Variants in KCNH1 observed in about 807,000 individuals in gnomAD.
KCNH1 encodes the protein potassium voltage-gated channel subfamily H member 1, also known as voltage-gated delayed rectifier potassium channel KCNH1.
Under a neutral mutation model 69.2 loss-of-function variants are expected in KCNH1, and 27 were observed. The observed-to-expected ratio is 0.39, with a 90% CI of 0.29 to 0.54. The LOEUF (loss-of-function observed/expected upper bound fraction) is 0.54, where lower values mean the gene tolerates loss of function less well. Ranked by LOEUF, KCNH1 falls within the 20% of genes least tolerant of loss-of-function variation. The pLI is 0.68. For synonymous variants in KCNH1, 456 were observed against 487.7 expected, an observed-to-expected ratio of 0.93 and a Z score of 0.86; for missense variants, 798 against 1,261.6, an observed-to-expected ratio of 0.63 and a Z score of 5.57.
At chr1:210,918,913 T>C (rs1373865431) in intron 7 of KCNH1, 1 of 152,252 alleles carries the variant, frequency 6.6e-6, no homozygotes, top group Non-Finnish European at 1.5e-5. Context: ...CATTTCAATA[T>C]ATAATCAATA....
chr1:210,907,827 A>T lies in KCNH1; in HGVS notation c.1462+11813T>A, dbSNP rs1687147243. On this transcript the variant is annotated intron_variant, in intron 7 of 10. Coordinates refer to ENST00000271751, the MANE Select transcript of KCNH1 (RefSeq NM_172362.3). ...GAGAGCAGATGCTACCAGGTGGAAG[A>T]ACAAGCACCTATGGTCACCCAGAGT... 3.3e-5 allele frequency among the ~76,000 whole-genome samples: 5 copies of T among 152,210 alleles called. No individual in the cohort carries two copies. In the South Asian group the frequency reaches 1.0e-3, roughly 32 times the overall value.
chr1:210,965,677 G>C (rs1394210806), intron 6 of KCNH1, among the ~76,000 whole-genome samples: 1 of 152,068 alleles, frequency 6.6e-6, no homozygotes, highest in Non-Finnish European at 1.5e-5. Flanking sequence ...ACTTACAAGG[G>C]ATGTGAAGGA....
chr1:210,984,442 C>T (rs141814060), intron 6 of KCNH1, among the ~76,000 whole-genome samples: 2,752 of 152,256 alleles, frequency 0.018, 63 homozygotes, highest in South Asian at 0.093. Context: ...TTTTGAGATA[C>T]GTCCCATCAA....
intron 6 of KCNH1, among the ~76,000 whole-genome samples, chr1:210,986,585 T>G (rs1688840178): frequency 1.3e-5 from 2 of 152,362 alleles, no homozygotes; most frequent in South Asian, 4.1e-4. Flanking sequence ...TGAAAATTCT[T>G]TTCTTTAAGA....
rs557895544 is a variant in KCNH1 at position 211,078,912 on chromosome 1, C to T, written c.558+3868G>A. On this transcript the variant is annotated intron_variant, in intron 5 of 10. Coordinates refer to ENST00000271751, the MANE Select transcript of KCNH1 (RefSeq NM_172362.3). ...CAGCCTGGGTGACAGAGCGAGACTC[C>T]GTCTCAAAAAAAAAAAAAAAAAAAA... 6.0e-3 allele frequency among the ~76,000 whole-genome samples: 588 copies of T among 98,136 alleles called. 1 individual carries two copies. Among genetic ancestry groups the T allele is most frequent in the Non-Finnish European group, 8.7e-3 (415 of 47,788 alleles). The allele number at this position is 98,136 out of a possible 152,430, so 64.4% of individuals were successfully genotyped here.
At chr1:210,945,410 G>A (rs28424208) in intron 6 of KCNH1, among the ~76,000 whole-genome samples, 1,726 of 152,292 alleles carry the variant, frequency 0.011, 37 homozygotes, top group African/African-American at 0.039. Flanking sequence ...AGGAAACTGA[G>A]GCACTGAAAG....
Position 211,017,741 on chromosome 1 carries a change from GT to G in KCNH1, c.1032+1041del, listed in dbSNP as rs148369417. ...GCGCTCATTCAGAAAATGACTTAGA[GT>G]ATTTCCTAATTCCAACACATCTACA... On this transcript the variant is annotated intron_variant, in intron 6 of 10. Coordinates refer to ENST00000271751, the MANE Select transcript of KCNH1 (RefSeq NM_172362.3). Among the ~76,000 whole-genome samples, 1,233 of 151,192 alleles carry G rather than the reference GT, an allele frequency of 8.2e-3. 18 individuals are homozygous for G. The highest frequency in any genetic ancestry group is 0.028 in the African/African-American group (1,142 of 41,104).
chr1:210,824,181 C>T lies in KCNH1; in HGVS notation c.1463-20015G>A, dbSNP rs1331659370. ...GTGACCCCCCCTTAAATCTGGGTTC[C>T]AAATTTATTGGTCTTAGGACTCCTT... On this transcript the variant is annotated intron_variant, in intron 7 of 10. Transcript: ENST00000271751. 2.0e-5 allele frequency among the ~76,000 whole-genome samples: 3 copies of T among 151,854 alleles called. 1 individual carries two copies. The highest frequency in any genetic ancestry group is 2.0e-4 in the Admixed American group (3 of 15,224).
intron 8 of KCNH1, 86 bp from the exon 9 acceptor site, chr1:210,797,846 C>T (rs1030591114): frequency 3.4e-6 from 5 of 1,468,414 alleles, no homozygotes; most frequent in South Asian, 1.3e-5. Context: ...GGAGGAGCAA[C>T]ATCCACTACG....
At position 210,683,859 on chromosome 1, in the gene KCNH1, C is replaced by T. The variant is rs761754626; in HGVS notation, c.2392G>A (p.Val798Ile). ...VTVRESPATPVSFQAASTSGV... is the reference protein window; with the variant it reads ...VTVRESPATPISFQAASTSGV... ...GAGGTGGAGGCTGCCTGGAAGGATA[C>T]GGGCGTGGCAGGACTCTCACGCACG... Residue 798 changes from valine (V) to isoleucine (I), a missense_variant, in exon 11 of 11, where the codon GTA becomes ATA. Physicochemically the swap from Val to Ile is conservative, Grantham distance 29. Transcript: ENST00000271751. The surrounding 1 kb of genome is among the most constrained non-coding windows in gnomAD (Gnocchi z 5.7). 5.7e-5 allele frequency: 92 copies of T among 1,613,982 alleles called. No homozygotes were observed. Among genetic ancestry groups the T allele is most frequent in the Middle Eastern group, 1.6e-4 (1 of 6,084 alleles).
intron 6 of KCNH1, among the ~76,000 whole-genome samples, chr1:210,994,359 T>C (rs774042421): frequency 5.1e-4 from 78 of 152,334 alleles, no homozygotes; most frequent in Middle Eastern, 3.4e-3. Context: ...TGCAAAGGAA[T>C]AAGACACAAT....
chr1:210,757,429 C>T (rs1184240052), intron 10 of KCNH1, among the ~76,000 whole-genome samples: 1 of 152,216 alleles, frequency 6.6e-6, no homozygotes, highest in Non-Finnish European at 1.5e-5. Context: ...AGTTTCCTAA[C>T]TATTCCTATG....
chr1:210,978,070 C>CG (rs1344255461), intron 6 of KCNH1, among the ~76,000 whole-genome samples: 1 of 148,050 alleles, frequency 6.8e-6, no homozygotes, highest in East Asian at 2.0e-4. Context: ...GATGGAGTCT[C>CG]GCTCTGTGCC....
chr1:210,969,020 T>C (rs2102364820), intron 6 of KCNH1, among the ~76,000 whole-genome samples: 1 of 152,242 alleles, frequency 6.6e-6, no homozygotes, highest in Admixed American at 6.5e-5. Flanking sequence ...CTCTGCATCT[T>C]TAATTATACG....
intron 7 of KCNH1, among the ~76,000 whole-genome samples, chr1:210,864,347 T>C (rs973494236): frequency 2.0e-5 from 3 of 152,196 alleles, no homozygotes; most frequent in Non-Finnish European, 4.4e-5. Flanking sequence ...TGAGGTCCAC[T>C]ATGCAGCTCC....
chr1:211,102,926 G>A lies in KCNH1; in HGVS notation c.310+570C>T, dbSNP rs148897078. 2.6e-3 allele frequency among the ~76,000 whole-genome samples: 401 copies of A among 152,276 alleles called. 4 individuals are homozygous for A. The highest frequency in any genetic ancestry group is 9.3e-3 in the African/African-American group (387 of 41,550). ...TTCTAATACAGCTAATCTCCAACAG[G>A]AAACCTCCTAAGGGAAGAGCAAGTT... On this transcript the variant is annotated intron_variant, in intron 3 of 10. Coordinates refer to ENST00000271751, the MANE Select transcript of KCNH1 (RefSeq NM_172362.3).
At chr1:211,104,680 G>A (rs1691321920) in intron 2 of KCNH1, among the ~76,000 whole-genome samples, 1 of 152,152 alleles carries the variant, frequency 6.6e-6, no homozygotes, top group Non-Finnish European at 1.5e-5. Flanking sequence ...GACAAAGGCT[G>A]CCCACGGGCC....
At position 210,683,859 on chromosome 1, in the gene KCNH1, C is replaced by A; in HGVS notation, c.2392G>T (p.Val798Leu). The change falls in exon 11 of 11, where the codon GTA becomes TTA. Residue 798 changes from valine (V) to leucine (L), a missense_variant. Val to Leu is a conservative substitution (Grantham distance 32, BLOSUM62 1). Coordinates refer to ENST00000271751, the MANE Select transcript of KCNH1 (RefSeq NM_172362.3). The surrounding 1 kb of genome is among the most constrained non-coding windows in gnomAD (Gnocchi z 5.7). ...VTVRESPATP[V>L]SFQAASTSGV... is the part of the protein sequence containing the mutation. ...GAGGTGGAGGCTGCCTGGAAGGATA[C>A]GGGCGTGGCAGGACTCTCACGCACG... is the stretch of plus-strand genomic sequence containing the variant. 12 of 1,614,102 alleles carry A rather than the reference C, an allele frequency of 7.4e-6. No individual in the cohort carries two copies. The highest frequency in any genetic ancestry group is 9.3e-6 in the Non-Finnish European group (11 of 1,180,028).
At chr1:210,735,421 A>AGT (rs71146244) in intron 10 of KCNH1, among the ~76,000 whole-genome samples, 2,342 of 131,998 alleles carry the variant, frequency 0.018, 15 homozygotes, top group South Asian at 0.027. Flanking sequence ...TGAGTGAGTG[A>AGT]GTGTGTGTGT....
Sources: gnomAD v4.1 joint callset for allele counts (sites outside exome capture counted in the v4.1 genomes callset) on GRCh38, gnomAD v4.1.1 for gene constraint, Gnocchi (gnomAD v3.1) non-coding constraint, MANE v1.5 for transcripts, NCBI Gene and HGNC (gene_info 2026-07-23, HGNC 2026-07-21) for gene names.